Variants in EYA2 observed in about 807,000 individuals in gnomAD.
EYA2 encodes EYA transcriptional coactivator and phosphatase 2.
In EYA2, 31 loss-of-function variants were observed where a neutral mutation model predicts 69.2. That is an observed-to-expected ratio of 0.45 (90% CI 0.34 to 0.60). The LOEUF (loss-of-function observed/expected upper bound fraction) is 0.60. EYA2 is among the 20% of genes least tolerant of loss of function. The pLI, the probability that EYA2 is intolerant of heterozygous loss-of-function variation, is 0.02. For missense variants in EYA2, 622 were observed against 701.2 expected (o/e 0.89, Z 1.28); for synonymous variants, 257 against 279.4 (o/e 0.92, Z 0.80).
intron 2 of EYA2, among the ~76,000 whole-genome samples, chr20:46,995,333 C>T (rs1206794): frequency 0.68 from 103,289 of 152,140 alleles, 35,220 homozygotes; most frequent in African/African-American, 0.72. Flanking sequence ...TAATTTGCAA[C>T]GATTTCAATC....
chr20:47,056,820 A>G (rs1244973867), intron 5 of EYA2, among the ~76,000 whole-genome samples: 5 of 152,140 alleles, frequency 3.3e-5, no homozygotes, highest in Non-Finnish European at 5.9e-5. Flanking sequence ...CGAGGCGGGC[A>G]GATTGCTTGA....
chr20:46,938,642 G>GGA (rs1311892281), intron 1 of EYA2, among the ~76,000 whole-genome samples: 2 of 152,016 alleles, frequency 1.3e-5, no homozygotes, highest in African/African-American at 2.4e-5. Context: ...GAAAGCAAGT[G>GGA]GAGAGAGAGA....
At chr20:46,990,567 C>T (rs1461288310) in intron 2 of EYA2, among the ~76,000 whole-genome samples, 1 of 152,160 alleles carries the variant, frequency 6.6e-6, no homozygotes, top group African/African-American at 2.4e-5. Context: ...GCTTTCAGGT[C>T]GGGTTGGAGT....
At chr20:47,085,727 A>G (rs996401052) in intron 7 of EYA2, among the ~76,000 whole-genome samples, 3 of 152,200 alleles carry the variant, frequency 2.0e-5, no homozygotes, top group Admixed American at 2.0e-4. Context: ...TGACCAAAAC[A>G]AGCCAGAAAA....
At chr20:46,927,924 C>G (rs1319861265) in intron 1 of EYA2, among the ~76,000 whole-genome samples, 1 of 152,100 alleles carries the variant, frequency 6.6e-6, no homozygotes, top group African/African-American at 2.4e-5. Context: ...ACATAGTAAC[C>G]CTAACCGTGA....
intron 10 of EYA2, 96 bp downstream of exon 10, chr20:47,143,244 T>A (rs1402218837): frequency 9.1e-7 from 1 of 1,103,984 alleles, no homozygotes; most frequent in Non-Finnish European, 1.3e-6. Context: ...TCTTTTTCTT[T>A]TTCTTTTTTT....
chr20:47,062,990 A>G (rs2030953416), intron 5 of EYA2, among the ~76,000 whole-genome samples: 1 of 152,074 alleles, frequency 6.6e-6, no homozygotes, highest in Non-Finnish European at 1.5e-5. Context: ...TTTGCTGCCA[A>G]AGCCTGGGAG....
rs997569060 is a variant in EYA2, at chr20:46,958,810, C to T, written c.-10-31191C>T. On this transcript the variant is annotated intron_variant, in intron 1 of 15. Transcript: ENST00000327619. The stretch of plus-strand genomic sequence containing the variant: ...CATGCAGTACTTGGTTTTCTGTTCC[C>T]GTGATAGTTTGCTAAGGGTAATGGC... Among the ~76,000 whole-genome samples, 5 of 152,124 alleles carry T rather than the reference C, an allele frequency of 3.3e-5. No homozygotes were observed. In the South Asian group the frequency reaches 6.2e-4, roughly 19 times the overall value.
chr20:47,108,055 G>T (rs1475420773), intron 9 of EYA2, among the ~76,000 whole-genome samples: 1 of 152,232 alleles, frequency 6.6e-6, no homozygotes, highest in Admixed American at 6.5e-5. Flanking sequence ...TGTGGCTGGA[G>T]CACAGCAGAC....
chr20:47,086,541 A>C (rs1444354759), intron 7 of EYA2, among the ~76,000 whole-genome samples: 1 of 152,092 alleles, frequency 6.6e-6, no homozygotes, highest in Non-Finnish European at 1.5e-5. Context: ...GGAGGGGGTC[A>C]GGGGAGGTGC....
At chr20:47,174,991 A>T (rs2034399509) in intron 12 of EYA2, among the ~76,000 whole-genome samples, 1 of 152,146 alleles carries the variant, frequency 6.6e-6, no homozygotes, top group Non-Finnish European at 1.5e-5. Context: ...AGGAGGGCTG[A>T]CTCAGGTGAG....
chr20:47,083,158 C>T (rs899729994), intron 7 of EYA2, among the ~76,000 whole-genome samples: 1 of 152,042 alleles, frequency 6.6e-6, no homozygotes, highest in Admixed American at 6.5e-5. Flanking sequence ...CCACTGTACT[C>T]CAGCCTGGAT....
chr20:47,011,672 T>A (rs934987790), intron 4 of EYA2, among the ~76,000 whole-genome samples: 5 of 152,130 alleles, frequency 3.3e-5, no homozygotes, highest in African/African-American at 1.2e-4. Context: ...TTCCTTCAGG[T>A]CTTTGTTCAA....
chr20:47,099,768 A>G (rs927014674), intron 9 of EYA2, among the ~76,000 whole-genome samples: 3 of 152,160 alleles, frequency 2.0e-5, no homozygotes, highest in African/African-American at 7.2e-5. Flanking sequence ...ACTCCTCTCC[A>G]TCTAAATTGC....
intron 10 of EYA2, 74 bp from the exon 11 acceptor site, chr20:47,169,065 C>T: frequency 6.9e-7 from 1 of 1,447,004 alleles, no homozygotes. Flanking sequence ...CTTATGAGGC[C>T]AACCCTTGAA....
intron 10 of EYA2, among the ~76,000 whole-genome samples, chr20:47,156,185 T>TATATATATATATA (rs2033947519): frequency 2.1e-5 from 2 of 95,856 alleles, no homozygotes; most frequent in African/African-American, 3.5e-5. Context: ...TATATATATA[T>TATATATATATATA]TAGCCGGGCA....
At chr20:46,942,745 G>T (rs1486374292) in intron 1 of EYA2, among the ~76,000 whole-genome samples, 2 of 152,076 alleles carry the variant, frequency 1.3e-5, no homozygotes, top group Admixed American at 1.3e-4. Context: ...TCATTGGGAG[G>T]GTTCTCTGTT....
At chr20:47,155,228 T>G (rs1225258445) in intron 10 of EYA2, among the ~76,000 whole-genome samples, 4 of 151,970 alleles carry the variant, frequency 2.6e-5, no homozygotes. Flanking sequence ...GCATAGCACC[T>G]TATGCAAAGT....
intron 1 of EYA2, among the ~76,000 whole-genome samples, chr20:46,895,415 A>G (rs1422206518): frequency 6.6e-6 from 1 of 152,224 alleles, no homozygotes; most frequent in East Asian, 1.9e-4. Flanking sequence ...TTTATGGGAT[A>G]ACCAAGAAGC....
Sources: allele counts gnomAD v4.1 joint callset (sites outside exome capture counted in the v4.1 genomes callset), GRCh38; gene constraint gnomAD v4.1.1; transcripts MANE v1.5; gene names NCBI Gene and HGNC (gene_info 2026-07-23, HGNC 2026-07-21).